Variants in RIMS2 observed in about 807,000 individuals in gnomAD.
RIMS2 encodes regulating synaptic membrane exocytosis protein 2.
In RIMS2, 59 loss-of-function variants were observed where a neutral mutation model predicts 174.4. That is an observed-to-expected ratio of 0.34 (90% CI 0.27 to 0.42). The LOEUF (loss-of-function observed/expected upper bound fraction) is 0.42, where lower values mean the gene tolerates loss of function less well. Among genes scored for constraint, RIMS2 ranks in the 10% least tolerant of loss-of-function variants. The pLI is 1.00. For missense variants in RIMS2, 1,620 were observed against 1,666.3 expected (o/e 0.97, Z 0.48); for synonymous variants, 606 against 572.5 (o/e 1.06, Z -0.84).
intron 2 of RIMS2, among the ~76,000 whole-genome samples, chr8:103,753,086 C>T (rs77627194): frequency 0.23 from 34,862 of 151,812 alleles, 4,290 homozygotes; most frequent in Non-Finnish European, 0.25. Flanking sequence ...ATAGATAGCT[C>T]TTCTTATTTT....
rs1425034103 is a variant in RIMS2 at position 103,858,751 on chromosome 8, A to G, written c.699-26547A>G. Among the ~76,000 whole-genome samples the G allele has an allele frequency of 2.0e-5, 3 of 151,710 alleles. No homozygotes were observed. In the East Asian group the frequency reaches 5.8e-4, roughly 29 times the overall value. On this transcript the variant is annotated intron_variant, in intron 3 of 23. Transcript: ENST00000504942. ...TACCTATACACACACACACACACAC[A>G]CACACACATATATGGGATTATAATA...
At chr8:103,886,311 G>T in intron 4 of RIMS2, 88 bp downstream of exon 7, 1 of 1,049,678 alleles carries the variant, frequency 9.5e-7, no homozygotes, top group Non-Finnish European at 1.3e-6. Flanking sequence ...AATTTAATAG[G>T]TATTACTAGT....
chr8:103,951,577 G>A (rs13265186), intron 14 of RIMS2, among the ~76,000 whole-genome samples: 29,955 of 152,184 alleles, frequency 0.2, 3,608 homozygotes, highest in South Asian at 0.36. Context: ...CCCAGATACT[G>A]TGCTTTTCCC....
intron 3 of RIMS2, among the ~76,000 whole-genome samples, chr8:103,811,151 G>A (rs541828336): frequency 6.6e-6 from 1 of 152,250 alleles, no homozygotes; most frequent in African/African-American, 2.4e-5. Flanking sequence ...TGGAGTTGAA[G>A]CTTATTCATG....
chr8:103,629,991 A>G (rs7018187), intron 1 of RIMS2, among the ~76,000 whole-genome samples: 26,665 of 151,298 alleles, frequency 0.18, 2,532 homozygotes, highest in African/African-American at 0.24. Context: ...TACAAAACTA[A>G]AAAAAAAATT....
At chr8:103,770,762 C>G (rs982892315) in intron 3 of RIMS2, among the ~76,000 whole-genome samples, 1 of 152,050 alleles carries the variant, frequency 6.6e-6, no homozygotes, top group Non-Finnish European at 1.5e-5. Context: ...ACCCTGCCTG[C>G]CAGCTTCTAT....
intron 1 of RIMS2, among the ~76,000 whole-genome samples, chr8:103,695,670 C>T (rs1164633816): frequency 1.3e-5 from 2 of 150,060 alleles, no homozygotes; most frequent in Non-Finnish European, 3.0e-5. Context: ...TTTTTATTTA[C>T]TTATTTATAT....
At chr8:103,752,438 T>C (rs1413739888) in intron 2 of RIMS2, among the ~76,000 whole-genome samples, 2 of 152,116 alleles carry the variant, frequency 1.3e-5, no homozygotes, top group African/African-American at 2.4e-5. Context: ...ATGCGGGCTC[T>C]TTTTTGGTTC....
chr8:103,961,738 G>C (rs2154545629), intron 15 of RIMS2, among the ~76,000 whole-genome samples: 1 of 152,054 alleles, frequency 6.6e-6, no homozygotes, highest in Admixed American at 6.6e-5. Flanking sequence ...TATTCCTTTT[G>C]AAGGTTAAAT....
intron 2 of RIMS2, among the ~76,000 whole-genome samples, chr8:103,746,328 G>T (rs1222504537): frequency 6.6e-6 from 1 of 151,968 alleles, no homozygotes; most frequent in Non-Finnish European, 1.5e-5. Context: ...CAATATCTCA[G>T]TCATTATAAC....
chr8:104,251,922 C>T (rs1484739938), downstream of RIMS2: 12 of 710,396 alleles, frequency 1.7e-5, no homozygotes, highest in Middle Eastern at 2.5e-4. Context: ...AATGTTGTGT[C>T]TTCTGAGCCT....
chr8:104,154,980 A>G (rs2098712642), intron 19 of RIMS2, among the ~76,000 whole-genome samples: 1 of 152,080 alleles, frequency 6.6e-6, no homozygotes, highest in African/African-American at 2.4e-5. Flanking sequence ...TTTTAATCTA[A>G]AAAACAAAAA....
intron 2 of RIMS2, among the ~76,000 whole-genome samples, chr8:103,749,198 G>T (rs1174991743): frequency 6.6e-6 from 1 of 150,448 alleles, no homozygotes; most frequent in Non-Finnish European, 1.5e-5. Flanking sequence ...TGCAAGCTCC[G>T]CCTCCCAGGT....
chr8:103,928,271 C>T (rs1249662539), intron 11 of RIMS2, among the ~76,000 whole-genome samples: 3 of 151,434 alleles, frequency 2.0e-5, no homozygotes, highest in Non-Finnish European at 4.4e-5. Context: ...CTCATTATGT[C>T]ACTTAACATC....
At chr8:103,910,007 T>A in intron 4 of RIMS2, 1 of 542,198 alleles carries the variant, frequency 1.8e-6, no homozygotes. Context: ...TATATATATA[T>A]AGTGAGTGCT....
chr8:103,657,922 G>C (rs1157658536), intron 1 of RIMS2, among the ~76,000 whole-genome samples: 1 of 152,118 alleles, frequency 6.6e-6, no homozygotes, highest in African/African-American at 2.4e-5. Context: ...GTTAGCAAAT[G>C]GCAGCTTGGC....
intron 17 of RIMS2, among the ~76,000 whole-genome samples, chr8:103,997,023 G>T (rs1250733943): frequency 6.6e-6 from 1 of 151,810 alleles, no homozygotes; most frequent in Non-Finnish European, 1.5e-5. Context: ...GGATTAAGAG[G>T]AGACGAAAGA....
intron 15 of RIMS2, 54 bp downstream of exon 17, chr8:103,961,187 C>T: frequency 1.2e-6 from 1 of 824,198 alleles, no homozygotes; most frequent in Non-Finnish European, 2.1e-6. Context: ...AATTCATCAT[C>T]ATTTACCATA....
At chr8:103,975,625 C>A in intron 16 of RIMS2, 119 bp downstream of exon 18, 1 of 661,606 alleles carries the variant, frequency 1.5e-6, no homozygotes, top group Non-Finnish European at 2.5e-6. Context: ...AGAATTGGCT[C>A]ATATGATTAT....
Sources: gnomAD v4.1 joint callset for allele counts (sites outside exome capture counted in the v4.1 genomes callset) on GRCh38, gnomAD v4.1.1 for gene constraint, MANE v1.5 for transcripts, NCBI Gene and HGNC (gene_info 2026-07-23, HGNC 2026-07-21) for gene names.